Variants in NTMT1 observed in about 807,000 individuals in gnomAD.
The protein encoded by NTMT1 is N-terminal Xaa-Pro-Lys N-methyltransferase 1, also known as N-terminal RCC1 methyltransferase.
NTMT1 carries 8 observed loss-of-function variants against 17.5 expected under a neutral mutation model. The ratio of observed to expected loss-of-function variants is 0.46; its 90% CI spans 0.27 to 0.82. The LOEUF (loss-of-function observed/expected upper bound fraction) is 0.82, where lower values mean the gene tolerates loss of function less well. Among genes scored for constraint, NTMT1 ranks in the 40% least tolerant of loss-of-function variants. The pLI is 0.15. For missense variants in NTMT1, 221 were observed against 303.5 expected (o/e 0.73, Z 2.02); for synonymous variants, 128 against 126.8 (o/e 1.01, Z -0.06).
In NTMT1 at chr9:129,616,044, T is replaced by C. The variant is rs145858591; in HGVS notation, c.-55+6866T>C. On this transcript the variant is annotated intron_variant, in intron 1 of 3. Coordinates refer to the NTMT1 transcript ENST00000372486. The stretch of plus-strand genomic sequence containing the variant: ...AATAAGAATGCCAGCCCAGGAGTCA[T>C]GCAGTCCTGGGTTTCATTCCTGACC... 1.8e-3 allele frequency among the ~76,000 whole-genome samples: 270 copies of C among 152,280 alleles called. 2 individuals carry two copies. Among genetic ancestry groups the C allele is most frequent in the African/African-American group, 6.2e-3 (257 of 41,560 alleles).
intron 2 of NTMT1, chr9:129,633,126 A>G: frequency 2.0e-6 from 1 of 497,062 alleles, no homozygotes; most frequent in Non-Finnish European, 3.5e-6. Flanking sequence ...CCTCTCTTCA[A>G]CTGTTGGGTT....
chr9:129,616,946 C>A (rs1462189314), intron 1 of NTMT1, among the ~76,000 whole-genome samples: 1 of 152,054 alleles, frequency 6.6e-6, no homozygotes, highest in Non-Finnish European at 1.5e-5. Flanking sequence ...CGGTGGCGTG[C>A]GCCTGTAGTT....
intron 1 of NTMT1, among the ~76,000 whole-genome samples, chr9:129,627,798 C>G (rs1257093469): frequency 1.3e-5 from 2 of 152,240 alleles, no homozygotes; most frequent in Admixed American, 6.5e-5. Flanking sequence ...TGGACTCTGT[C>G]CACTAGGCTG....
At chr9:129,633,227 G>A in intron 2 of NTMT1, 2 of 400,272 alleles carry the variant, frequency 5.0e-6, no homozygotes, top group East Asian at 7.2e-5. Flanking sequence ...TCCTAGTTAT[G>A]TGCCATGGTT....
intron 1 of NTMT1, among the ~76,000 whole-genome samples, chr9:129,631,098 CTCTG>C (rs1000769129): frequency 6.6e-6 from 1 of 152,176 alleles, no homozygotes; most frequent in African/African-American, 2.4e-5. Context: ...CGGCTGCTCC[CTCTG>C]TCTGCCCCAC....
At chr9:129,615,895 T>C (rs958555446) in intron 1 of NTMT1, among the ~76,000 whole-genome samples, 2 of 152,226 alleles carry the variant, frequency 1.3e-5, no homozygotes, top group African/African-American at 4.8e-5. Context: ...ATTCTCATTT[T>C]ATAGTTGAGG....
chr9:129,622,129 T>G (rs6478907), upstream of NTMT1, among the ~76,000 whole-genome samples: 4 of 152,170 alleles, frequency 2.6e-5, no homozygotes, highest in African/African-American at 9.7e-5. Flanking sequence ...CTGGGAGGCT[T>G]AGGCTGGGTG....
chr9:129,615,139 G>A (rs536281601), intron 1 of NTMT1, among the ~76,000 whole-genome samples: 76 of 152,346 alleles, frequency 5.0e-4, no homozygotes, highest in African/African-American at 1.6e-3. Flanking sequence ...TCCAGCCCCT[G>A]TAGGCTGTGG....
chr9:129,631,811 G>A (rs953823894), intron 1 of NTMT1, among the ~76,000 whole-genome samples: 4 of 152,230 alleles, frequency 2.6e-5, no homozygotes, highest in Admixed American at 6.5e-5. Flanking sequence ...CCTGGTCCCC[G>A]CACCCGACTC....
At chr9:129,612,714 C>G (rs982480786) in intron 1 of NTMT1, among the ~76,000 whole-genome samples, 1 of 152,204 alleles carries the variant, frequency 6.6e-6, no homozygotes, top group Non-Finnish European at 1.5e-5. Context: ...CCTGTCTCTA[C>G]CGAAAATACA....
chr9:129,634,426 AC>A, intron 3 of NTMT1, 120 bp downstream of exon 3: 1 of 1,159,428 alleles, frequency 8.6e-7, no homozygotes, highest in Non-Finnish European at 1.2e-6. Flanking sequence ...AGGATTCCCC[AC>A]CCCGCCCAGG....
In NTMT1 at chr9:129,633,960, T is replaced by C. The variant is rs1831350539; in HGVS notation, c.163-94T>C. ...GCTCAGCTTGTGCGGAGTCCTGGAA[T>C]CCTGACTTGAGTCTAAGTCCTAGGG... On this transcript the variant is annotated intron_variant, in intron 2 of 3. Coordinates refer to ENST00000372483, the MANE Select transcript of NTMT1 (RefSeq NM_014064.4). 14 of 1,422,718 alleles carry C rather than the reference T, an allele frequency of 9.8e-6. No homozygotes were observed. The South Asian group carries it at 2.0e-4, about 20-fold the overall frequency. 88.1% of individuals were successfully genotyped at this position (1,422,718 alleles called of 1,614,324 possible). A position where few individuals can be genotyped will look rare whatever the true frequency, so the allele number is the denominator to read the frequency against.
chr9:129,635,482 A>T lies in NTMT1; in HGVS notation c.*18A>T, dbSNP rs541925695. 1.3e-6 allele frequency: 2 copies of T among 1,598,094 alleles called. No homozygotes were observed. Among genetic ancestry groups the T allele is most frequent in the Non-Finnish European group, 1.7e-6 (2 of 1,169,684 alleles). ...TGAGATGAGCCGGGGCTGGCAGGAG[A>T]AACTGAGGAACCACAGTCCTGGTGG... On this transcript the variant is annotated 3_prime_UTR_variant, in exon 4 of 4. Coordinates refer to ENST00000372483, the MANE Select transcript of NTMT1 (RefSeq NM_014064.4).
At position 129,635,594 on chromosome 9, in the gene NTMT1, C is replaced by G; in HGVS notation, c.*130C>G. The G allele has an allele frequency of 8.8e-7, 1 of 1,142,032 alleles. No individual in the cohort carries two copies. Among genetic ancestry groups the G allele is most frequent in the Non-Finnish European group, 1.2e-6 (1 of 805,188 alleles). 70.7% of individuals were successfully genotyped at this position (1,142,032 alleles called of 1,614,324 possible). ...CCACTAAATATAGCTGTCTGCCGTC[C>G]ACTCATTATGCGGGCTCTTCTTCAA... On this transcript the variant is annotated 3_prime_UTR_variant, in exon 4 of 4. Transcript: ENST00000372483.
intron 1 of NTMT1, chr9:129,628,397 T>C (rs1487113979): frequency 6.6e-6 from 1 of 152,238 alleles, no homozygotes; most frequent in Non-Finnish European, 1.5e-5. Flanking sequence ...GTGGAATTCT[T>C]GTAAATTAGA....
intron 1 of NTMT1, among the ~76,000 whole-genome samples, chr9:129,618,853 C>T (rs189781692): frequency 6.9e-4 from 100 of 143,946 alleles, no homozygotes; most frequent in Non-Finnish European, 3.2e-4. Flanking sequence ...CCACCACGCC[C>T]GGCTAATTTT....
chr9:129,632,321 G>A (rs754439629), intron 1 of NTMT1, among the ~76,000 whole-genome samples: 7 of 152,210 alleles, frequency 4.6e-5, no homozygotes, highest in Non-Finnish European at 8.8e-5. Flanking sequence ...GCACACAACT[G>A]TAGTCCTAGC....
At chr9:129,625,146 A>G (rs1830848202), upstream of NTMT1, among the ~76,000 whole-genome samples, 1 of 152,120 alleles carries the variant, frequency 6.6e-6, no homozygotes, top group South Asian at 2.1e-4. Flanking sequence ...GGAAATGTTA[A>G]CAGGCTCTAC....
intron 2 of NTMT1, among the ~76,000 whole-genome samples, 186 bp from the exon 3 acceptor site, chr9:129,633,868 G>C (rs1390322292): frequency 6.6e-6 from 1 of 152,130 alleles, no homozygotes; most frequent in Admixed American, 6.5e-5. Context: ...GCCCAGCAGT[G>C]TGTCCTCCCA....
Sources: allele counts gnomAD v4.1 joint callset (sites outside exome capture counted in the v4.1 genomes callset), GRCh38; gene constraint gnomAD v4.1.1; transcripts MANE v1.5; gene names NCBI Gene and HGNC (gene_info 2026-07-23, HGNC 2026-07-21).